SLC16A12: variants seen among roughly 807,000 people sequenced by gnomAD.
The protein encoded by SLC16A12 is monocarboxylate transporter 12.
In SLC16A12, 17 loss-of-function variants were observed where a neutral mutation model predicts 42.4. The observed-to-expected ratio is 0.40, with a 90% CI of 0.27 to 0.60. The LOEUF is 0.60. Among genes scored for constraint, SLC16A12 ranks in the 20% least tolerant of loss-of-function variants. The pLI is 0.42. For missense variants in SLC16A12, 544 were observed against 623.0 expected, an observed-to-expected ratio of 0.87 and a Z score of 1.35; for synonymous variants, 224 against 229.4, an observed-to-expected ratio of 0.98 and a Z score of 0.21.
rs192032754 is a variant in SLC16A12, at chr10:89,474,972, C to A, written c.-46-12348G>T. 1.3e-4 allele frequency among the ~76,000 whole-genome samples: 20 copies of A among 152,304 alleles called. No homozygotes were observed. In the East Asian group the frequency reaches 3.7e-3, roughly 28 times the overall value. ...CCTTTAAGCTGCGTCTTGGTAGAAG[C>A]CATAACTGTCATGTTGGATGTTGTG... On this transcript the variant is annotated intron_variant, in intron 2 of 7. Transcript: ENST00000371790.
intron 1 of SLC16A12, among the ~76,000 whole-genome samples, chr10:89,535,061 A>G (rs1843630833): frequency 6.6e-6 from 1 of 152,046 alleles, no homozygotes; most frequent in African/African-American, 2.4e-5. Flanking sequence ...GGAAATAAAT[A>G]TTATTGTCTG....
At position 89,524,415 on chromosome 10, in the gene SLC16A12, T is replaced by C. The variant is rs374840858; in HGVS notation, c.-47+10086A>G. 1.5e-4 allele frequency among the ~76,000 whole-genome samples: 23 copies of C among 152,280 alleles called. No individual in the cohort carries two copies. In the South Asian group the frequency reaches 4.4e-3, roughly 29 times the overall value. On this transcript the variant is annotated intron_variant, in intron 2 of 7. Coordinates refer to ENST00000371790, the MANE Select transcript of SLC16A12 (RefSeq NM_213606.4). ...CCTTCTCCAGACCCCTGGCCACACATATTCCCTACCTGTCAGCCATGCCAC... is the reference window on the plus strand; with the variant it reads ...CCTTCTCCAGACCCCTGGCCACACACATTCCCTACCTGTCAGCCATGCCAC...
chr10:89,508,971 A>G (rs1843117513), intron 2 of SLC16A12, among the ~76,000 whole-genome samples: 1 of 152,218 alleles, frequency 6.6e-6, no homozygotes, highest in African/African-American at 2.4e-5. Context: ...GAACACCTCT[A>G]CACAAATAAA....
chr10:89,523,428 T>C (rs1843394437), intron 2 of SLC16A12, among the ~76,000 whole-genome samples: 1 of 152,206 alleles, frequency 6.6e-6, no homozygotes, highest in South Asian at 2.1e-4. Flanking sequence ...CAGTGACTCC[T>C]AATTGCCAGT....
At chr10:89,469,347 TCTTTA>T (rs763924809) in intron 2 of SLC16A12, among the ~76,000 whole-genome samples, 40 of 152,226 alleles carry the variant, frequency 2.6e-4, no homozygotes, top group Non-Finnish European at 4.1e-4. Context: ...CACTTTATCC[TCTTTA>T]CTTTAGAAAA....
chr10:89,480,744 C>T (rs970989660), intron 2 of SLC16A12, among the ~76,000 whole-genome samples: 1 of 152,156 alleles, frequency 6.6e-6, no homozygotes, highest in Non-Finnish European at 1.5e-5. Context: ...GTGTCTTCAT[C>T]TTTCCAAGTC....
At chr10:89,479,413 T>G (rs1003102143) in intron 2 of SLC16A12, among the ~76,000 whole-genome samples, 1 of 152,188 alleles carries the variant, frequency 6.6e-6, no homozygotes, top group African/African-American at 2.4e-5. Context: ...AGGAGGCCTG[T>G]GGTTGTTTAA....
In SLC16A12 at chr10:89,462,536, T is replaced by C. The variant is rs1321048593; in HGVS notation, c.43A>G (p.Ile15Val). The C allele has an allele frequency of 1.2e-6, 2 of 1,612,992 alleles. No homozygotes were observed. The highest frequency in any genetic ancestry group is 1.7e-6 in the Non-Finnish European group (2 of 1,179,830). The change falls in exon 3 of 8, where the codon ATA (isoleucine) becomes GTA (valine). Residue 15 changes from isoleucine to valine, a missense_variant. Transcript: ENST00000371790. ...SHWTANSSKI[I>V]TWLLEQPGKE... The stretch of plus-strand genomic sequence containing the variant: ...CCAGGTTGCTCCAACAGCCAAGTTA[T>C]GATCTTGGAAGAGTTTGCTGTCCAG...
chr10:89,504,577 A>G (rs933502706), intron 2 of SLC16A12, among the ~76,000 whole-genome samples: 2 of 152,202 alleles, frequency 1.3e-5, no homozygotes, highest in Non-Finnish European at 2.9e-5. Context: ...ATGTTGACAT[A>G]AATACTCACT....
chr10:89,447,923 A>G (rs1051773289), intron 3 of SLC16A12, among the ~76,000 whole-genome samples: 7 of 152,212 alleles, frequency 4.6e-5, no homozygotes, highest in African/African-American at 1.4e-4. Context: ...AAAAATGACA[A>G]AGGGGAAATC....
chr10:89,469,714 C>G (rs1842463525), intron 2 of SLC16A12, among the ~76,000 whole-genome samples: 1 of 152,156 alleles, frequency 6.6e-6, no homozygotes, highest in South Asian at 2.1e-4. Flanking sequence ...TGGGCTGAGT[C>G]CCAGTGACCC....
chr10:89,535,954 C>G (rs1405903896), upstream of SLC16A12, among the ~76,000 whole-genome samples: 1 of 152,388 alleles, frequency 6.6e-6, no homozygotes, highest in East Asian at 1.9e-4. Context: ...CCAGCTCCGC[C>G]GGGGACTCTG....
At position 89,554,883 on chromosome 10, in the gene SLC16A12, C is replaced by G. The variant is rs571706511; in HGVS notation, c.-47+999G>C. Among the ~76,000 whole-genome samples, 4 of 152,270 alleles carry G rather than the reference C, an allele frequency of 2.6e-5. No individual in the cohort carries two copies. The East Asian group carries it at 7.7e-4, about 29-fold the overall frequency. On this transcript the variant is annotated intron_variant, in intron 2 of 2. Coordinates refer to the SLC16A12 transcript ENST00000475682. The stretch of plus-strand genomic sequence containing the variant: ...AGATAATGTCTAAGTCCCCTTTCAT[C>G]TTCATAAAGCTAAACATTTCTAAGA...
intron 2 of SLC16A12, among the ~76,000 whole-genome samples, chr10:89,554,935 G>A (rs912782897): frequency 3.9e-5 from 6 of 151,998 alleles, no homozygotes; most frequent in East Asian, 3.9e-4. Context: ...TTGAGGCTCC[G>A]CAAGCAGGTA....
chr10:89,456,783 T>C (rs904666065), intron 3 of SLC16A12, among the ~76,000 whole-genome samples: 4 of 152,160 alleles, frequency 2.6e-5, no homozygotes, highest in African/African-American at 9.7e-5. Context: ...CTTCCACTTA[T>C]GATTGAGAAC....
intron 2 of SLC16A12, among the ~76,000 whole-genome samples, chr10:89,533,138 G>GTTT (rs138214487): frequency 0.082 from 12,216 of 149,182 alleles, 612 homozygotes; most frequent in Non-Finnish European, 0.11. Flanking sequence ...ACCTGAATTT[G>GTTT]TTTTTTTGTT....
intron 2 of SLC16A12, among the ~76,000 whole-genome samples, chr10:89,513,995 C>T (rs113899822): frequency 6.6e-6 from 1 of 152,134 alleles, no homozygotes; most frequent in Non-Finnish European, 1.5e-5. Context: ...ATCTAGTGTC[C>T]AGATGTATAC....
chr10:89,503,000 A>G (rs1411968611), intron 2 of SLC16A12, among the ~76,000 whole-genome samples: 1 of 152,194 alleles, frequency 6.6e-6, no homozygotes, highest in East Asian at 1.9e-4. Context: ...GCGGGTTCCT[A>G]TTTGGTAATA....
At chr10:89,433,861 T>A (rs1319958138) in intron 7 of SLC16A12, among the ~76,000 whole-genome samples, 1 of 152,230 alleles carries the variant, frequency 6.6e-6, no homozygotes, top group African/African-American at 2.4e-5. Flanking sequence ...ACTAGCTTTT[T>A]TTTCTTTATC....
Sources: allele counts gnomAD v4.1 joint callset (sites outside exome capture counted in the v4.1 genomes callset), GRCh38; gene constraint gnomAD v4.1.1; transcripts MANE v1.5; gene names NCBI Gene and HGNC (gene_info 2026-07-23, HGNC 2026-07-21).